BCAT1: variants seen among roughly 807,000 people sequenced by gnomAD.
The protein encoded by BCAT1 is branched chain amino acid transaminase 1, also known as branched-chain-amino-acid aminotransferase, cytosolic.
In BCAT1, 48 loss-of-function variants were observed where a neutral mutation model predicts 52.4. The ratio of observed to expected loss-of-function variants is 0.92; its 90% confidence interval spans 0.73 to 1.16. The LOEUF (loss-of-function observed/expected upper bound fraction) is 1.16, where lower values mean the gene tolerates loss of function less well. Ranked by LOEUF, BCAT1 falls within the 50% of genes most tolerant of loss-of-function variation. The pLI, the probability that BCAT1 is intolerant of heterozygous loss-of-function variation, is 0.00. For missense variants in BCAT1, 451 were observed against 457.1 expected, an observed-to-expected ratio of 0.99 and a Z score of 0.12; for synonymous variants, 167 against 161.3, an observed-to-expected ratio of 1.04 and a Z score of -0.27.
chr12:24,887,080 A>AAAAAAAAAAAAAAAAATATAT (rs1245203518), intron 3 of BCAT1, among the ~76,000 whole-genome samples: 2 of 40,748 alleles, frequency 4.9e-5, no homozygotes, highest in Non-Finnish European at 1.0e-4. Flanking sequence ...AAAAAAAAAA[A>AAAAAAAAAAAAAAAAATATAT]ATATATATAT....
intron 1 of BCAT1, among the ~76,000 whole-genome samples, chr12:24,936,863 A>G (rs532693996): frequency 6.6e-6 from 1 of 152,200 alleles, no homozygotes; most frequent in South Asian, 2.1e-4. Flanking sequence ...ACCTATTTAG[A>G]TAATCAAGGA....
In BCAT1 at chr12:24,854,250, A is replaced by G. The variant is rs535710382; in HGVS notation, c.511-4301T>C. ...GAGCTGAGAAGAGTACTATTAGCCT[A>G]TGTTTTGGCCTAGAAGCCAGAGAGG... On this transcript the variant is annotated intron_variant, in intron 5 of 10. Transcript: ENST00000261192. Among the ~76,000 whole-genome samples the G allele has an allele frequency of 4.6e-5, 7 of 152,344 alleles. No individual in the cohort carries two copies. The Middle Eastern group carries it at 0.017, about 370-fold the overall frequency.
intron 5 of BCAT1, among the ~76,000 whole-genome samples, chr12:24,851,315 T>C (rs1323589326): frequency 6.6e-6 from 1 of 152,200 alleles, no homozygotes. Flanking sequence ...TCAGCTGATT[T>C]TGTGGCTTTG....
intron 2 of BCAT1, among the ~76,000 whole-genome samples, chr12:24,894,683 T>C (rs754294416): frequency 4.6e-5 from 7 of 152,134 alleles, no homozygotes; most frequent in Admixed American, 1.3e-4. Flanking sequence ...CACTGCCTAA[T>C]AGAATATCAG....
At chr12:24,847,775 A>G (rs527736678) in intron 6 of BCAT1, among the ~76,000 whole-genome samples, 1 of 152,336 alleles carries the variant, frequency 6.6e-6, no homozygotes, top group African/African-American at 2.4e-5. Flanking sequence ...TCTCTGCCCT[A>G]GATTCACTTA....
intron 1 of BCAT1, among the ~76,000 whole-genome samples, chr12:24,921,806 C>G (rs1174897154): frequency 6.6e-6 from 1 of 152,216 alleles, no homozygotes; most frequent in African/African-American, 2.4e-5. Flanking sequence ...CTTTCTAAAT[C>G]TGCTTCCTGC....
At chr12:24,925,035 T>C (rs955403677) in intron 1 of BCAT1, among the ~76,000 whole-genome samples, 1 of 152,244 alleles carries the variant, frequency 6.6e-6, no homozygotes, top group African/African-American at 2.4e-5. Context: ...GTTAATTTCA[T>C]GTGTCTGCTT....
chr12:24,870,700 C>T lies in BCAT1; in HGVS notation c.510+7830G>A, dbSNP rs1039507102. On this transcript the variant is annotated intron_variant, in intron 5 of 10. Coordinates refer to ENST00000261192, the MANE Select transcript of BCAT1 (RefSeq NM_005504.7). ...TTCACCGCTTTGGACCTTACTTTCA[C>T]ATCCCTAAAATACTGCATAAGCACC... Among the ~76,000 whole-genome samples the T allele has an allele frequency of 1.4e-4, 21 of 152,202 alleles. 1 individual carries two copies. The highest frequency in any genetic ancestry group is 5.1e-4 in the African/African-American group (21 of 41,448).
At chr12:24,943,864 G>C (rs1303050768) in intron 1 of BCAT1, among the ~76,000 whole-genome samples, 11 of 151,998 alleles carry the variant, frequency 7.2e-5, no homozygotes. Flanking sequence ...GGCGCCTGTA[G>C]TCCCAGCTAC....
At chr12:24,838,405 C>T (rs1482635612) in intron 7 of BCAT1, among the ~76,000 whole-genome samples, 1 of 151,730 alleles carries the variant, frequency 6.6e-6, no homozygotes, top group Admixed American at 6.6e-5. Flanking sequence ...TAGGGCTACT[C>T]TTTGTCATGT....
intron 1 of BCAT1, among the ~76,000 whole-genome samples, chr12:24,918,496 C>A (rs1247456541): frequency 1.3e-5 from 2 of 152,124 alleles, no homozygotes; most frequent in Non-Finnish European, 2.9e-5. Context: ...AACAACACTT[C>A]CTGTATGATT....
intron 8 of BCAT1, chr12:24,834,052 A>G: frequency 1.5e-6 from 1 of 677,340 alleles, no homozygotes; most frequent in Non-Finnish European, 1.8e-6. Context: ...GGCTGGGCTC[A>G]TGTGATCCTC....
At chr12:24,851,877 CTTCAT>C (rs1941524832) in intron 5 of BCAT1, among the ~76,000 whole-genome samples, 1 of 152,006 alleles carries the variant, frequency 6.6e-6, no homozygotes, top group South Asian at 2.1e-4. Context: ...GAAATGACAC[CTTCAT>C]TTCATGGGTG....
chr12:24,865,711 A>C (rs1717694802), intron 5 of BCAT1, among the ~76,000 whole-genome samples: 1 of 152,218 alleles, frequency 6.6e-6, no homozygotes, highest in Admixed American at 6.5e-5. Flanking sequence ...ATATAATTGT[A>C]TCAACAATAT....
chr12:24,860,949 C>T (rs952902458), intron 5 of BCAT1, among the ~76,000 whole-genome samples: 1 of 152,134 alleles, frequency 6.6e-6, no homozygotes, highest in South Asian at 2.1e-4. Context: ...TTTTAAAAAG[C>T]CTACGTGGCA....
intron 9 of BCAT1, among the ~76,000 whole-genome samples, chr12:24,831,194 A>G (rs999361937): frequency 3.3e-5 from 5 of 152,210 alleles, no homozygotes; most frequent in Non-Finnish European, 5.9e-5. Flanking sequence ...TGAATAGTAA[A>G]TATATTTTCC....
chr12:24,921,337 G>A (rs1943498235), intron 1 of BCAT1, among the ~76,000 whole-genome samples: 1 of 152,156 alleles, frequency 6.6e-6, no homozygotes, highest in Non-Finnish European at 1.5e-5. Flanking sequence ...CAGGGACACT[G>A]GCTTTTTTTA....
chr12:24,915,982 A>C (rs1946747893), intron 1 of BCAT1, among the ~76,000 whole-genome samples: 2 of 145,824 alleles, frequency 1.4e-5, no homozygotes, highest in African/African-American at 2.4e-5. Context: ...ACATGGTGAA[A>C]CCTCATCTCT....
chr12:24,894,928 G>A (rs1419074451), intron 2 of BCAT1, among the ~76,000 whole-genome samples: 1 of 152,186 alleles, frequency 6.6e-6, no homozygotes, highest in Non-Finnish European at 1.5e-5. Flanking sequence ...CACTCCAACT[G>A]CCCCAAAGAA....
Sources: allele counts gnomAD v4.1 joint callset (sites outside exome capture counted in the v4.1 genomes callset), GRCh38; gene constraint gnomAD v4.1.1; transcripts MANE v1.5; gene names NCBI Gene and HGNC (gene_info 2026-07-23, HGNC 2026-07-21).